The following MBD5 variants were observed in gnomAD, a reference collection of about 807,000 sequenced individuals.
The protein encoded by MBD5 is methyl-CpG binding domain protein 5, also known as methyl-CpG-binding domain protein 5.
Under a neutral mutation model 117.3 loss-of-function variants are expected in MBD5, and 13 were observed. The observed-to-expected ratio is 0.11, with a 90% confidence interval of 0.07 to 0.18. The LOEUF (loss-of-function observed/expected upper bound fraction) is 0.18, where lower values mean the gene tolerates loss of function less well. Ranked by LOEUF, MBD5 falls within the 10% of genes least tolerant of loss-of-function variation. MBD5 has a pLI of 1.00. For synonymous variants in MBD5, 727 were observed against 766.4 expected (o/e 0.95, Z 0.85); for missense variants, 1,879 against 2,093.8 (o/e 0.90, Z 2.00).
At chr2:148,097,740 G>A (rs1696106276) in intron 1 of MBD5, among the ~76,000 whole-genome samples, 2 of 152,136 alleles carry the variant, frequency 1.3e-5, no homozygotes, top group South Asian at 4.1e-4. Context: ...TCTGCCTCTG[G>A]TCTTTACCAC....
At chr2:148,173,745 C>T (rs1574094542) in intron 1 of MBD5, among the ~76,000 whole-genome samples, 1 of 152,126 alleles carries the variant, frequency 6.6e-6, no homozygotes, top group South Asian at 2.1e-4. Flanking sequence ...AATCTAACTA[C>T]ACAGGTTCAC....
chr2:148,064,272 C>A (rs1033548016), intron 1 of MBD5, among the ~76,000 whole-genome samples: 1 of 151,910 alleles, frequency 6.6e-6, no homozygotes, highest in Admixed American at 6.6e-5. Flanking sequence ...CCCGCCACCA[C>A]GCCCGGCTAA....
At chr2:148,231,292 G>A (rs1410797276) in intron 2 of MBD5, among the ~76,000 whole-genome samples, 1 of 152,036 alleles carries the variant, frequency 6.6e-6, no homozygotes, top group Non-Finnish European at 1.5e-5. Flanking sequence ...TTTTTGGGTG[G>A]ACATCAGCTG....
At chr2:148,030,135 G>C (rs542864045) in intron 1 of MBD5, among the ~76,000 whole-genome samples, 1 of 151,988 alleles carries the variant, frequency 6.6e-6, no homozygotes, top group Non-Finnish European at 1.5e-5. Flanking sequence ...GCCAGGCTTG[G>C]TGGCACATAC....
intron 3 of MBD5, among the ~76,000 whole-genome samples, chr2:148,266,204 A>T (rs1161861730): frequency 2.0e-5 from 3 of 152,154 alleles, no homozygotes; most frequent in Non-Finnish European, 2.9e-5. Flanking sequence ...CGTAGGCTTT[A>T]TTTGAGGAAT....
intron 4 of MBD5, among the ~76,000 whole-genome samples, chr2:148,398,928 G>A (rs978829776): frequency 1.3e-5 from 2 of 152,132 alleles, no homozygotes; most frequent in Non-Finnish European, 2.9e-5. Context: ...CCCATTGCTT[G>A]TTTTTCTCAG....
At chr2:148,332,760 G>A (rs1001218381) in intron 3 of MBD5, among the ~76,000 whole-genome samples, 1 of 151,988 alleles carries the variant, frequency 6.6e-6, no homozygotes, top group Non-Finnish European at 1.5e-5. Context: ...TGCCCTTTTG[G>A]AGGCCTATTT....
At chr2:148,158,532 C>T (rs1404608972) in intron 1 of MBD5, among the ~76,000 whole-genome samples, 1 of 152,134 alleles carries the variant, frequency 6.6e-6, no homozygotes, top group Non-Finnish European at 1.5e-5. Context: ...CAAGAGAAAA[C>T]GTTACTAGTA....
chr2:148,377,645 A>G (rs374573007), intron 4 of MBD5, among the ~76,000 whole-genome samples: 22 of 152,276 alleles, frequency 1.4e-4, no homozygotes, highest in East Asian at 1.3e-3. Flanking sequence ...TTTCATCAAA[A>G]CGTAATAAAT....
chr2:148,144,974 A>G (rs1449936744), intron 1 of MBD5, among the ~76,000 whole-genome samples: 1 of 152,156 alleles, frequency 6.6e-6, no homozygotes, highest in African/African-American at 2.4e-5. Context: ...GTTTTTTCCA[A>G]TTCTGTGAAG....
In MBD5 at chr2:148,512,889, G is replaced by A. The variant is rs753342178; in HGVS notation, c.5132G>A (p.Gly1711Asp). The change falls in exon 14 of 14, where the codon GGT (glycine) becomes GAT (aspartate). Residue 1711 changes from glycine (G) to aspartate (D), a missense_variant. Coordinates refer to ENST00000642680, the MANE Select transcript of MBD5 (RefSeq NM_001378120.1). ...TTCCAGGTACACCAAATCCCACAGG[G>A]TGACAGACAAATGAGACCCCCCAAA... Reference protein sequence around the residue: ...MSGTVHQIPQGDRQMRPPKPK... With the variant: ...MSGTVHQIPQDDRQMRPPKPK... 24 of 1,613,610 alleles carry A rather than the reference G, an allele frequency of 1.5e-5. 1 individual carries two copies. The East Asian group carries it at 3.6e-4, about 24-fold the overall frequency.
intron 1 of MBD5, among the ~76,000 whole-genome samples, chr2:148,126,369 G>C (rs200459884): frequency 4.1e-3 from 564 of 138,210 alleles, no homozygotes; most frequent in East Asian, 9.1e-3. Flanking sequence ...TCGTGCCACT[G>C]TACTCCATCA....
chr2:148,463,644 G>A, intron 6 of MBD5, 95 bp from the exon 7 acceptor site: 11 of 1,417,996 alleles, frequency 7.8e-6, no homozygotes, highest in Non-Finnish European at 1.1e-5. Flanking sequence ...CAGATTTATG[G>A]CTTAATCTAT....
At chr2:148,097,847 A>T (rs1303460510) in intron 1 of MBD5, among the ~76,000 whole-genome samples, 1 of 152,204 alleles carries the variant, frequency 6.6e-6, no homozygotes, top group Non-Finnish European at 1.5e-5. Context: ...GAAGGAGGTA[A>T]AAAGATTCTT....
intron 1 of MBD5, among the ~76,000 whole-genome samples, chr2:148,162,832 G>A (rs1698041223): frequency 6.6e-6 from 1 of 151,860 alleles, no homozygotes; most frequent in Non-Finnish European, 1.5e-5. Flanking sequence ...TAATGTTTAG[G>A]GGCACCTAAA....
chr2:148,496,007 T>A (rs1280876395), intron 11 of MBD5, among the ~76,000 whole-genome samples: 5 of 152,256 alleles, frequency 3.3e-5, no homozygotes, highest in Admixed American at 1.3e-4. Flanking sequence ...GACATTTTAC[T>A]TTGAAGAATG....
intron 3 of MBD5, among the ~76,000 whole-genome samples, chr2:148,333,218 C>T (rs1477235582): frequency 6.6e-6 from 1 of 152,104 alleles, no homozygotes; most frequent in African/African-American, 2.4e-5. Flanking sequence ...GGGCTTTCCT[C>T]AGAAGTCTAG....
At chr2:148,284,081 C>CATACTATAT (rs1166119094) in intron 3 of MBD5, among the ~76,000 whole-genome samples, 5 of 152,148 alleles carry the variant, frequency 3.3e-5, no homozygotes, top group African/African-American at 1.2e-4. Flanking sequence ...CAAATAGTAG[C>CATACTATAT]ATACTATATA....
In MBD5 at chr2:148,504,270, T is replaced by C. The variant is rs186567986; in HGVS notation, c.5036+1761T>C. Among the ~76,000 whole-genome samples, 5 of 152,328 alleles carry C rather than the reference T, an allele frequency of 3.3e-5. No homozygotes were observed. The East Asian group carries it at 9.6e-4, about 29-fold the overall frequency. On this transcript the variant is annotated intron_variant, in intron 12 of 13. Transcript: ENST00000642680. ...TTTATAAAAAGAACTTTATTTACCA[T>C]ACTATTGTCTAAGCAGACAGACTTT...
Sources: allele counts gnomAD v4.1 joint callset (sites outside exome capture counted in the v4.1 genomes callset), GRCh38; gene constraint gnomAD v4.1.1; transcripts MANE v1.5; gene names NCBI Gene and HGNC (gene_info 2026-07-23, HGNC 2026-07-21).